The following MACROD2 variants were observed in gnomAD, a reference collection of about 807,000 sequenced individuals.
MACROD2 encodes the protein mono-ADP ribosylhydrolase 2.
Under a neutral mutation model 70.4 loss-of-function variants are expected in MACROD2, and 36 were observed. The observed-to-expected ratio is 0.51, with a 90% CI of 0.39 to 0.68. The LOEUF (loss-of-function observed/expected upper bound fraction) is 0.68, where lower values mean the gene tolerates loss of function less well. Among genes scored for constraint, MACROD2 ranks in the 30% least tolerant of loss-of-function variants. The probability of loss-of-function intolerance (pLI) is 0.00; values close to 1 mark genes in which losing one functional copy is unlikely to be tolerated. For synonymous variants in MACROD2, 172 were observed against 178.8 expected (o/e 0.96, Z 0.30); for missense variants, 496 against 538.4 (o/e 0.92, Z 0.78).
At chr20:14,836,101 A>G (rs1197480890) in intron 5 of MACROD2, among the ~76,000 whole-genome samples, 1 of 152,094 alleles carries the variant, frequency 6.6e-6, no homozygotes, top group African/African-American at 2.4e-5. Flanking sequence ...AAACAAACAA[A>G]AAAAACCACA....
intron 6 of MACROD2, among the ~76,000 whole-genome samples, chr20:15,295,097 T>A (rs964456576): frequency 6.6e-6 from 1 of 152,174 alleles, no homozygotes; most frequent in African/African-American, 2.4e-5. Flanking sequence ...TGTTTCATGG[T>A]AGTGAATAAG....
At chr20:14,241,658 A>G (rs1569223322) in intron 3 of MACROD2, among the ~76,000 whole-genome samples, 1 of 152,194 alleles carries the variant, frequency 6.6e-6, no homozygotes, top group Non-Finnish European at 1.5e-5. Context: ...CAGGGAAGTT[A>G]AGGAAGGCTT....
chr20:15,663,005 G>A (rs954983805), intron 8 of MACROD2, among the ~76,000 whole-genome samples: 17 of 145,070 alleles, frequency 1.2e-4, no homozygotes, highest in Admixed American at 2.8e-4. Context: ...GCCTATTAAT[G>A]TATGGTTTAT....
chr20:14,236,210 G>T (rs577214066), intron 3 of MACROD2, among the ~76,000 whole-genome samples: 51 of 152,150 alleles, frequency 3.4e-4, no homozygotes, highest in African/African-American at 1.2e-3. Flanking sequence ...TCAATGTCAA[G>T]ATGCAAAATT....
intron 5 of MACROD2, among the ~76,000 whole-genome samples, chr20:14,954,946 G>T (rs1307944516): frequency 8.1e-4 from 20 of 24,578 alleles, no homozygotes; most frequent in South Asian, 1.5e-3. Context: ...AATTATATAA[G>T]TATATTATAT....
chr20:15,986,421 T>C (rs1353479317), intron 13 of MACROD2, among the ~76,000 whole-genome samples: 1 of 152,214 alleles, frequency 6.6e-6, no homozygotes, highest in Non-Finnish European at 1.5e-5. Context: ...CCAGAAATTA[T>C]TGTAAAATTT....
chr20:14,995,493 A>C (rs946467826), intron 5 of MACROD2, among the ~76,000 whole-genome samples: 3 of 152,082 alleles, frequency 2.0e-5, no homozygotes, highest in African/African-American at 7.2e-5. Context: ...CTAGGCAGCG[A>C]AGTGAGACCC....
intron 8 of MACROD2, among the ~76,000 whole-genome samples, chr20:15,678,127 T>C (rs2050095915): frequency 6.6e-6 from 1 of 152,270 alleles, no homozygotes; most frequent in East Asian, 1.9e-4. Context: ...GAGATTTACC[T>C]GGTTAAATAA....
chr20:15,473,088 C>G (rs1198131576), intron 7 of MACROD2, among the ~76,000 whole-genome samples: 3 of 152,212 alleles, frequency 2.0e-5, no homozygotes, highest in Non-Finnish European at 4.4e-5. Flanking sequence ...ATTGACTCAT[C>G]TTTATCACTT....
intron 5 of MACROD2, among the ~76,000 whole-genome samples, chr20:15,091,176 A>G (rs1389084241): frequency 6.6e-6 from 1 of 151,936 alleles, no homozygotes; most frequent in Non-Finnish European, 1.5e-5. Context: ...TTCAACATTG[A>G]CTTATCTTCC....
At chr20:14,206,305 T>C (rs956950966) in intron 3 of MACROD2, among the ~76,000 whole-genome samples, 7 of 152,352 alleles carry the variant, frequency 4.6e-5, no homozygotes, top group Admixed American at 2.6e-4. Flanking sequence ...TGCATTCCGC[T>C]GTGGAACTGA....
chr20:15,248,692 G>A (rs2077127750), intron 6 of MACROD2, among the ~76,000 whole-genome samples: 1 of 152,074 alleles, frequency 6.6e-6, no homozygotes, highest in Non-Finnish European at 1.5e-5. Context: ...CAACCTGCTT[G>A]GACTCCTGTA....
At chr20:15,214,323 A>G (rs1020075929) in intron 5 of MACROD2, among the ~76,000 whole-genome samples, 23 of 152,250 alleles carry the variant, frequency 1.5e-4, no homozygotes, top group Middle Eastern at 3.4e-3. Flanking sequence ...TGAGGACTCC[A>G]AGAATATTCC....
Position 15,240,254 on chromosome 20 carries a change from A to G in MACROD2, c.540+10193A>G, listed in dbSNP as rs186519334. Among the ~76,000 whole-genome samples the G allele has an allele frequency of 9.8e-5, 15 of 152,326 alleles. No homozygotes were observed. The East Asian group carries it at 2.9e-3, about 29-fold the overall frequency. Reference sequence around the variant, plus strand: ...TTAGAGGTTACTTAGTACTGCATTTAACACAATTCTATGAATCCTGCCTAT... The same window carrying G: ...TTAGAGGTTACTTAGTACTGCATTTGACACAATTCTATGAATCCTGCCTAT... On this transcript the variant is annotated intron_variant, in intron 6 of 17. Transcript: ENST00000684519.
chr20:14,419,984 T>A (rs531423074), intron 3 of MACROD2, among the ~76,000 whole-genome samples: 1 of 152,154 alleles, frequency 6.6e-6, no homozygotes, highest in South Asian at 2.1e-4. Flanking sequence ...CTATTAGAAA[T>A]AATGTTATAA....
chr20:14,778,312 C>T (rs1376810741), intron 5 of MACROD2, among the ~76,000 whole-genome samples: 2 of 152,136 alleles, frequency 1.3e-5, no homozygotes, highest in East Asian at 3.8e-4. Flanking sequence ...CCGGTAGGAG[C>T]AGCTGAATGC....
At chr20:15,655,319 T>G (rs1600718806) in intron 8 of MACROD2, among the ~76,000 whole-genome samples, 3 of 31,338 alleles carry the variant, frequency 9.6e-5, no homozygotes, top group Admixed American at 8.7e-4. Context: ...AGTTCCACTT[T>G]TTTTTTTTTT....
At chr20:15,219,412 T>G (rs78377599) in intron 5 of MACROD2, among the ~76,000 whole-genome samples, 5,772 of 152,288 alleles carry the variant, frequency 0.038, 164 homozygotes, top group Non-Finnish European at 0.054. Flanking sequence ...TTAAATAAAT[T>G]TAAATAAATT....
At chr20:15,714,135 C>T (rs1182730134) in intron 8 of MACROD2, among the ~76,000 whole-genome samples, 2 of 151,950 alleles carry the variant, frequency 1.3e-5, no homozygotes, top group Non-Finnish European at 2.9e-5. Context: ...TTAAAAATAA[C>T]CAACCAAACA....
Sources: allele counts gnomAD v4.1 joint callset (sites outside exome capture counted in the v4.1 genomes callset), GRCh38; gene constraint gnomAD v4.1.1; transcripts MANE v1.5; gene names NCBI Gene and HGNC (gene_info 2026-07-23, HGNC 2026-07-21).